The following NLRP14 variants were observed in gnomAD, a reference collection of about 807,000 sequenced individuals.
NLRP14 encodes NLR family pyrin domain containing 14.
In NLRP14, 105 loss-of-function variants were observed where a neutral mutation model predicts 94.7. The ratio of observed to expected loss-of-function variants is 1.11; its 90% CI spans 0.95 to 1.30. The LOEUF is 1.30. NLRP14 is among the 50% of genes most tolerant of loss of function. NLRP14 has a pLI of 0.00. For synonymous variants in NLRP14, 508 were observed against 459.9 expected (o/e 1.10, Z -1.34); for missense variants, 1,362 against 1,254.1 (o/e 1.09, Z -1.30).
downstream of NLRP14, among the ~76,000 whole-genome samples, chr11:7,076,441 A>T (rs1852874433): frequency 6.6e-6 from 1 of 151,926 alleles, no homozygotes; most frequent in African/African-American, 2.4e-5. Flanking sequence ...TAGTATGCTA[A>T]CTTCTTAAGT....
At chr11:7,088,490 G>C in the NLRP14 span, among the ~76,000 whole-genome samples, 1 of 151,846 alleles carries the variant, frequency 6.6e-6, no homozygotes. Flanking sequence ...TAAAAAATTA[G>C]AACAAAATAA....
At chr11:7,072,397 A>T (rs1313489687), downstream of NLRP14, among the ~76,000 whole-genome samples, 1 of 152,264 alleles carries the variant, frequency 6.6e-6, no homozygotes, top group Non-Finnish European at 1.5e-5. Flanking sequence ...AAAGAATTCA[A>T]CTGAGAGGCA....
the NLRP14 span, among the ~76,000 whole-genome samples, chr11:7,082,401 C>T: frequency 8.3e-4 from 126 of 152,256 alleles, no homozygotes; most frequent in Non-Finnish European, 1.3e-3. Flanking sequence ...CCATTCAGTT[C>T]TTAATAATTA....
Position 7,056,977 on chromosome 11 carries a change from T to TGA in NLRP14, c.2292-699_2292-698dup, listed in dbSNP as rs572934644. ...TTGATGACGAGAAACAATTCTTGAGTGACTCAAGTTGGTAAGTCTTTGATT... is the reference window on the plus strand; with the variant it reads ...TTGATGACGAGAAACAATTCTTGAGTGAGACTCAAGTTGGTAAGTCTTTGATT... On this transcript the variant is annotated intron_variant, in intron 6 of 11. Coordinates refer to ENST00000299481, the MANE Select transcript of NLRP14 (RefSeq NM_176822.4). 1.3e-4 allele frequency among the ~76,000 whole-genome samples: 20 copies of TGA among 152,040 alleles called. No individual in the cohort carries two copies. In the East Asian group the frequency reaches 2.9e-3, roughly 22 times the overall value.
intron 4 of NLRP14, among the ~76,000 whole-genome samples, chr11:7,044,994 T>G (rs1032914862): frequency 6.6e-6 from 1 of 152,166 alleles, no homozygotes; most frequent in Non-Finnish European, 1.5e-5. Flanking sequence ...CCATTTTACT[T>G]AGGACAAAAT....
At chr11:7,062,919 G>A (rs971817924) in intron 10 of NLRP14, among the ~76,000 whole-genome samples, 15 of 152,018 alleles carry the variant, frequency 9.9e-5, no homozygotes, top group African/African-American at 2.7e-4. Context: ...CATTTCTTAC[G>A]TTCAATTCTG....
At chr11:7,053,270 G>A (rs2119660602) in intron 6 of NLRP14, among the ~76,000 whole-genome samples, 1 of 151,846 alleles carries the variant, frequency 6.6e-6, no homozygotes, top group Non-Finnish European at 1.5e-5. Flanking sequence ...TTTGGAAACT[G>A]TATTTAAGTT....
chr11:7,044,184 C>G (rs1022221494), intron 4 of NLRP14, among the ~76,000 whole-genome samples, 200 bp downstream of exon 4: 1 of 152,076 alleles, frequency 6.6e-6, no homozygotes, highest in Admixed American at 6.6e-5. Flanking sequence ...CAAAAACTTT[C>G]CTGAGATGGC....
chr11:7,079,059 A>C, the NLRP14 span, among the ~76,000 whole-genome samples: 1 of 152,308 alleles, frequency 6.6e-6, no homozygotes, highest in South Asian at 2.1e-4. Flanking sequence ...TACCCTGAGG[A>C]GATAGGGATT....
intron 1 of NLRP14, among the ~76,000 whole-genome samples, chr11:7,033,765 CTG>C (rs1311396567): frequency 6.6e-5 from 10 of 152,182 alleles, no homozygotes; most frequent in Admixed American, 6.5e-4. Flanking sequence ...TTCCTCTGGT[CTG>C]TGAAAGTTTC....
intron 9 of NLRP14, 35 bp downstream of exon 9, chr11:7,060,099 C>G (rs367558285): frequency 3.2e-6 from 5 of 1,571,402 alleles, no homozygotes; most frequent in Non-Finnish European, 4.4e-6. Context: ...TGTGTAGTTT[C>G]AACAACAGAG....
intron 10 of NLRP14, 30 bp downstream of exon 10, chr11:7,062,533 G>T: frequency 6.9e-6 from 11 of 1,589,276 alleles, no homozygotes; most frequent in South Asian, 1.1e-5. Context: ...TTAGGAAAAT[G>T]ATGCCTATTT....
At chr11:7,042,189 G>T (rs1852262693) in intron 3 of NLRP14, among the ~76,000 whole-genome samples, 199 bp from the exon 4 acceptor site, 1 of 151,266 alleles carries the variant, frequency 6.6e-6, no homozygotes, top group Admixed American at 6.6e-5. Flanking sequence ...TTTTATTACA[G>T]TATCTAATAC....
At chr11:7,046,208 A>C (rs1459686461) in intron 4 of NLRP14, among the ~76,000 whole-genome samples, 1 of 152,210 alleles carries the variant, frequency 6.6e-6, no homozygotes, top group African/African-American at 2.4e-5. Context: ...TATAGAACTT[A>C]TGCAACTCTC....
chr11:7,079,567 C>T, the NLRP14 span, among the ~76,000 whole-genome samples: 514 of 152,236 alleles, frequency 3.4e-3, 4 homozygotes, highest in South Asian at 0.013. Flanking sequence ...GTAGTCTAGA[C>T]CATGGGTGTT....
chr11:7,028,173 T>C (rs924391654), intron 1 of NLRP14, among the ~76,000 whole-genome samples: 4 of 152,206 alleles, frequency 2.6e-5, no homozygotes, highest in Admixed American at 6.5e-5. Context: ...CAATTTGACT[T>C]CAATGTTTAA....
the NLRP14 span, chr11:7,089,887 G>A: frequency 1.9e-6 from 3 of 1,612,992 alleles, no homozygotes; most frequent in South Asian, 1.1e-5. Context: ...CCCTTGAGAG[G>A]CTACAGCGAC....
chr11:7,051,630 T>G (rs1852442243), intron 6 of NLRP14, among the ~76,000 whole-genome samples: 1 of 152,212 alleles, frequency 6.6e-6, no homozygotes, highest in Non-Finnish European at 1.5e-5. Context: ...CTTCTTTCTT[T>G]TTTTGAGACA....
Position 7,060,023 on chromosome 11 carries a change from T to C in NLRP14, c.2763T>C (p.Cys921=). 6.2e-7 allele frequency: 1 copy of C among 1,612,814 alleles called. No individual in the cohort carries two copies. The highest frequency in any genetic ancestry group is 1.7e-5 in the Admixed American group (1 of 59,944). Residue 921 remains cysteine (C), a synonymous_variant, in exon 9 of 12, where the codon TGT becomes TGC. Coordinates refer to ENST00000299481, the MANE Select transcript of NLRP14 (RefSeq NM_176822.4). ...WLQDNGVKLL[C]DVFRHPSCNL... ...AAGACAATGGAGTGAAGCTTCTGTGTGATGTCTTTCGGCATCCAAGCTGTA... is the reference window on the plus strand; with the variant it reads ...AAGACAATGGAGTGAAGCTTCTGTGCGATGTCTTTCGGCATCCAAGCTGTA...
Sources: allele counts gnomAD v4.1 joint callset (sites outside exome capture counted in the v4.1 genomes callset), GRCh38; gene constraint gnomAD v4.1.1; transcripts MANE v1.5; gene names NCBI Gene and HGNC (gene_info 2026-07-23, HGNC 2026-07-21).